SMC2: variants seen among roughly 807,000 people sequenced by gnomAD.
The protein encoded by SMC2 is structural maintenance of chromosomes protein 2.
SMC2 carries 41 observed loss-of-function variants against 142.6 expected under a neutral mutation model. That is an observed-to-expected ratio of 0.29 (90% confidence interval 0.22 to 0.37). The LOEUF is 0.37. Ranked by LOEUF, SMC2 falls within the 10% of genes least tolerant of loss-of-function variation. The pLI, the probability that SMC2 is intolerant of heterozygous loss-of-function variation, is 1.00. For synonymous variants in SMC2, 463 were observed against 457.5 expected (o/e 1.01, Z -0.15); for missense variants, 1,265 against 1,373.7 (o/e 0.92, Z 1.25).
At chr9:104,115,799 T>A (rs1194679942) in intron 13 of SMC2, among the ~76,000 whole-genome samples, 1 of 152,126 alleles carries the variant, frequency 6.6e-6, no homozygotes, top group Admixed American at 6.6e-5. Flanking sequence ...ATAGGTAGAT[T>A]TATTTATCCT....
chr9:104,137,948 A>G, intron 23 of SMC2, 70 bp from the exon 24 acceptor site: 1 of 1,121,896 alleles, frequency 8.9e-7, no homozygotes, highest in Non-Finnish European at 1.2e-6. Flanking sequence ...ATAGGATCAC[A>G]TATTTGCTTC....
At chr9:104,136,110 C>T (rs1431764184) in intron 23 of SMC2, 1 of 308,014 alleles carries the variant, frequency 3.2e-6, no homozygotes, top group South Asian at 2.9e-5. Flanking sequence ...ATTAAAACCT[C>T]CTGAAAGAAG....
At chr9:104,117,205 T>G (rs1172207596) in intron 14 of SMC2, among the ~76,000 whole-genome samples, 1 of 152,186 alleles carries the variant, frequency 6.6e-6, no homozygotes, top group Non-Finnish European at 1.5e-5. Flanking sequence ...TCAAGAAGGC[T>G]CAGGAAGTTA....
At chr9:104,136,293 AC>A (rs1835519906) in intron 23 of SMC2, among the ~76,000 whole-genome samples, 1 of 151,464 alleles carries the variant, frequency 6.6e-6, no homozygotes, top group South Asian at 2.1e-4. Flanking sequence ...GTTCCTTATG[AC>A]CCCCTTTATC....
intron 22 of SMC2, among the ~76,000 whole-genome samples, chr9:104,132,873 C>T (rs532222233): frequency 2.0e-5 from 3 of 149,474 alleles, no homozygotes; most frequent in African/African-American, 4.9e-5. Context: ...CACCAGGATT[C>T]GTGGACTTAG....
intron 9 of SMC2, among the ~76,000 whole-genome samples, chr9:104,108,881 C>G (rs972353903): frequency 6.6e-6 from 1 of 152,092 alleles, no homozygotes. Context: ...GTTTATACCC[C>G]AGAAATAGAG....
intron 3 of SMC2, among the ~76,000 whole-genome samples, chr9:104,097,933 A>G (rs1169843517): frequency 6.6e-6 from 1 of 152,202 alleles, no homozygotes; most frequent in African/African-American, 2.4e-5. Context: ...GTGATAGTAG[A>G]GTATGGTGTC....
upstream of SMC2, among the ~76,000 whole-genome samples, chr9:104,093,376 A>G (rs1830103147): frequency 6.6e-6 from 1 of 152,152 alleles, no homozygotes; most frequent in Non-Finnish European, 1.5e-5. Flanking sequence ...ATTTAAAAGC[A>G]TGCAATCTGG....
At chr9:104,089,869 A>G (rs1308797634), upstream of SMC2, among the ~76,000 whole-genome samples, 1 of 152,028 alleles carries the variant, frequency 6.6e-6, no homozygotes, top group Non-Finnish European at 1.5e-5. Flanking sequence ...GATATTCTCC[A>G]TCTCCTGACC....
Position 104,095,173 on chromosome 9 carries a change from G to T in SMC2, c.-61-151G>T, listed in dbSNP as rs59954944. 5.1e-3 allele frequency: 2,514 copies of T among 496,570 alleles called. 73 individuals are homozygous for T. Among genetic ancestry groups the T allele is most frequent in the African/African-American group, 0.044 (2,259 of 51,914 alleles). The allele number at this position is 496,570 out of a possible 1,614,324, so 30.8% of individuals were successfully genotyped here. ...TAGTGGCTAACTCTGGTATATTTTT[G>T]AGTAGATGAACGATGTCTTTACATC... is the stretch of plus-strand genomic sequence containing the variant. On this transcript the variant is annotated intron_variant, in intron 1 of 24. Transcript: ENST00000374793.
intron 9 of SMC2, among the ~76,000 whole-genome samples, chr9:104,104,649 G>A (rs1158674904): frequency 6.6e-6 from 1 of 152,180 alleles, no homozygotes; most frequent in African/African-American, 2.4e-5. Context: ...GCCAGGGAGG[G>A]AAGAACTGGC....
At chr9:104,135,851 A>G (rs913475612) in intron 23 of SMC2, 2 of 518,800 alleles carry the variant, frequency 3.9e-6, no homozygotes, top group Non-Finnish European at 7.7e-6. Context: ...ATTGAAGGCA[A>G]TATGAATACT....
chr9:104,092,673 T>A (rs1383989971), upstream of SMC2: 2 of 152,150 alleles, frequency 1.3e-5, no homozygotes, highest in Admixed American at 6.5e-5. Flanking sequence ...CATACCAGAG[T>A]AAACAAAGGA....
chr9:104,093,251 G>A (rs188239334), upstream of SMC2, among the ~76,000 whole-genome samples: 58 of 152,150 alleles, frequency 3.8e-4, no homozygotes, highest in Non-Finnish European at 4.1e-4. Context: ...TAACTCTTAA[G>A]TATCAACGTG....
rs1835905140 is a variant in SMC2, at chr9:104,139,708, TAA to T, written c.*395_*396del. On this transcript the variant is annotated 3_prime_UTR_variant, in exon 25 of 25. Coordinates refer to ENST00000374793, the MANE Select transcript of SMC2 (RefSeq NM_006444.3). ...CCTAAGGCAATATTAATGTGTTTTC[TAA>T]AGTCATTCAGGTAAGGAAGAATTAT... 1 of 158,880 alleles carries T rather than the reference TAA, an allele frequency of 6.3e-6. No individual in the cohort carries two copies. The highest frequency in any genetic ancestry group is 1.9e-4 in the South Asian group (1 of 5,308). 9.8% of individuals were successfully genotyped at this position (158,880 alleles called of 1,614,324 possible). A position where few individuals can be genotyped will look rare whatever the true frequency, so the allele number is the denominator to read the frequency against.
chr9:104,139,800 T>A lies in SMC2; in HGVS notation c.*485T>A, dbSNP rs1835911910. On this transcript the variant is annotated 3_prime_UTR_variant, in exon 25 of 25. Coordinates refer to ENST00000374793, the MANE Select transcript of SMC2 (RefSeq NM_006444.3). ...GCTATTATGCATGCATGGAGCCGTT[T>A]GAGGCTAGTTTTTTAAGGCCACAAC... 6.6e-6 allele frequency: 1 copy of A among 152,326 alleles called. No homozygotes were observed. The highest frequency in any genetic ancestry group is 6.5e-5 in the Admixed American group (1 of 15,272). 9.4% of individuals were successfully genotyped at this position (152,326 alleles called of 1,614,324 possible).
At position 104,111,704 on chromosome 9, in the gene SMC2, G is replaced by T; in HGVS notation, c.1144G>T (p.Ala382Ser). 1 of 1,614,108 alleles carries T rather than the reference G, an allele frequency of 6.2e-7. No homozygotes were observed. The highest frequency in any genetic ancestry group is 8.5e-7 in the Non-Finnish European group (1 of 1,179,962). ...ALAAAQQHFN[A>S]VSAGLSSNED... ...GGCAGCTGCACAGCAGCACTTCAATGCTGTTTCCGCTGGCCTGTCCAGTAA... is the reference window on the plus strand; with the variant it reads ...GGCAGCTGCACAGCAGCACTTCAATTCTGTTTCCGCTGGCCTGTCCAGTAA... Residue 382 changes from alanine to serine, a missense_variant, in exon 10 of 25, where the codon GCT becomes TCT. Ala to Ser is a moderately conservative substitution (Grantham distance 99). Transcript: ENST00000374793.
intron 7 of SMC2, 52 bp from the exon 8 acceptor site, chr9:104,101,908 T>G: frequency 8.6e-7 from 1 of 1,158,670 alleles, no homozygotes; most frequent in Non-Finnish European, 1.2e-6. Flanking sequence ...ATAATTGAAT[T>G]TTTTTTTTAA....
At chr9:104,113,243 A>T (rs1318015244) in intron 10 of SMC2, 73 bp from the exon 11 acceptor site, 12 of 1,162,300 alleles carry the variant, frequency 1.0e-5, no homozygotes, top group Non-Finnish European at 1.2e-6. Flanking sequence ...AACCAATCTG[A>T]ATCTTCGGCC....
Sources: gnomAD v4.1 joint callset for allele counts (sites outside exome capture counted in the v4.1 genomes callset) on GRCh38, gnomAD v4.1.1 for gene constraint, MANE v1.5 for transcripts, NCBI Gene and HGNC (gene_info 2026-07-23, HGNC 2026-07-21) for gene names.